The following SLC4A7 variants were observed in gnomAD, a reference collection of about 807,000 sequenced individuals.
SLC4A7 encodes solute carrier family 4 member 7, also known as sodium bicarbonate cotransporter 3.
A neutral mutation model predicts 137.6 loss-of-function variants in SLC4A7; 51 were observed. The ratio of observed to expected loss-of-function variants is 0.37; its 90% CI spans 0.30 to 0.47. The LOEUF is 0.47. SLC4A7 is among the 20% of genes least tolerant of loss of function. SLC4A7 has a pLI of 1.00. For missense variants in SLC4A7, 1,247 were observed against 1,525.4 expected, an observed-to-expected ratio of 0.82 and a Z score of 3.04; for synonymous variants, 542 against 518.6, an observed-to-expected ratio of 1.05 and a Z score of -0.61.
chr3:27,393,231 G>A (rs1050373498), intron 20 of SLC4A7, among the ~76,000 whole-genome samples: 3 of 151,986 alleles, frequency 2.0e-5, no homozygotes, highest in Admixed American at 6.5e-5. Flanking sequence ...AAAAACAAAA[G>A]TTAAAAAAAA....
chr3:27,397,369 CA>C (rs2052292534), intron 18 of SLC4A7, among the ~76,000 whole-genome samples: 1 of 151,666 alleles, frequency 6.6e-6, no homozygotes. Flanking sequence ...CTGGAAGGTA[CA>C]GCAAGAACTC....
rs781094576 is a variant in SLC4A7 at position 27,448,747 on chromosome 3, G to T, written c.193C>A (p.Arg65Ser). ...TGTCCGCGATGCCTATGACGCCGAC[G>T]ACTCTCTTTACTAAACGGGACGTGA... The part of the protein sequence containing the change: ...GVHVPFSKES[R>S]RRHRHRGHKH... The change falls in exon 3 of 26, where the codon CGT (arginine) becomes AGT (serine). Residue 65 changes from arginine (R) to serine (S), a missense_variant. Arg to Ser is a moderately radical substitution (Grantham distance 110). Around this residue, in one of 6 missense-constraint regions of SLC4A7, gnomAD observed 176 missense variants for 186.4 expected, o/e 0.94. Coordinates refer to ENST00000454389, the MANE Select transcript of SLC4A7 (RefSeq NM_001321103.2). 6.2e-7 allele frequency: 1 copy of T among 1,613,014 alleles called. No homozygotes were observed. The highest frequency in any genetic ancestry group is 1.3e-5 in the African/African-American group (1 of 74,924).
intron 11 of SLC4A7, among the ~76,000 whole-genome samples, chr3:27,413,500 G>C (rs553679682): frequency 4.6e-5 from 7 of 152,248 alleles, no homozygotes; most frequent in Admixed American, 4.6e-4. Flanking sequence ...CAAACTAGTA[G>C]ACACAGACCA....
At chr3:27,443,740 A>G (rs35242522) in intron 3 of SLC4A7, among the ~76,000 whole-genome samples, 23,570 of 152,212 alleles carry the variant, frequency 0.15, 2,000 homozygotes, top group South Asian at 0.27. Context: ...AATCCTGTAC[A>G]TACCAGAACT....
rs74858305 is a variant in SLC4A7, at chr3:27,450,536, G to C, written c.143-1739C>G. Among the ~76,000 whole-genome samples the C allele has an allele frequency of 2.6e-5, 4 of 152,130 alleles. No individual in the cohort carries two copies. The East Asian group carries it at 7.7e-4, about 29-fold the overall frequency. ...AACATAAAGAAAAGTGGAAATTAAA[G>C]AGTCAAATTCCCATCACTGCACTGG... On this transcript the variant is annotated intron_variant, in intron 2 of 25. Coordinates refer to ENST00000454389, the MANE Select transcript of SLC4A7 (RefSeq NM_001321103.2).
In SLC4A7 at chr3:27,452,145, G is replaced by A. The variant is rs184319076; in HGVS notation, c.142+272C>T. 1.0e-3 allele frequency among the ~76,000 whole-genome samples: 155 copies of A among 151,976 alleles called. 2 individuals are homozygous for A. The highest frequency in any genetic ancestry group is 4.7e-3 in the Admixed American group (72 of 15,290). ...ACAAATTACTCAGCCTGCTAGAAATGAAAAAAATAAGAGTTAACTAATTTT... is the reference window on the plus strand; with the variant it reads ...ACAAATTACTCAGCCTGCTAGAAATAAAAAAAATAAGAGTTAACTAATTTT... On this transcript the variant is annotated intron_variant, in intron 2 of 25. Transcript: ENST00000454389.
intron 1 of SLC4A7, among the ~76,000 whole-genome samples, chr3:27,483,633 AAGG>A (rs1204478320): frequency 5.3e-5 from 8 of 152,186 alleles, no homozygotes; most frequent in African/African-American, 1.7e-4. Flanking sequence ...TCCTCCTTAG[AAGG>A]AGAAGAAAGA....
Position 27,411,777 on chromosome 3 carries a change from G to C in SLC4A7, c.1660-29C>G, listed in dbSNP as rs1478168691. The C allele has an allele frequency of 2.3e-6, 3 of 1,316,624 alleles. No homozygotes were observed. The African/African-American group carries it at 4.5e-5, about 20-fold the overall frequency. The allele number at this position is 1,316,624 out of a possible 1,614,324, so 81.6% of individuals were successfully genotyped here. ...AATTTCACAAAAAACATTATTTTCA[G>C]AATTCTATTTTAAGAAAACTTGAGA... On this transcript the variant is annotated intron_variant, in intron 11 of 25. Transcript: ENST00000454389.
Position 27,403,244 on chromosome 3 carries a change from A to AG in SLC4A7, c.2215dup (p.Leu739ProfsTer16). On this transcript the variant is annotated frameshift_variant, in exon 15 of 26. Coordinates refer to ENST00000454389, the MANE Select transcript of SLC4A7 (RefSeq NM_001321103.2). LOFTEE classifies it high-confidence loss of function. The stretch of plus-strand genomic sequence containing the variant: ...CTCGTAGATGAATATGATGCAAATA[A>AG]GGGCTGCAAAAGCCTCTTCTGTAAA... The AG allele has an allele frequency of 6.2e-7, 1 of 1,614,050 alleles. No individual in the cohort carries two copies. Among genetic ancestry groups the AG allele is most frequent in the Non-Finnish European group, 8.5e-7 (1 of 1,179,952 alleles).
Position 27,379,362 on chromosome 3 carries a change from GAACA to G in SLC4A7, c.3591-10_3591-7del, listed in dbSNP as rs2050193669. ...TAACAATTGAGGGATCAACACTGAA[GAACA>G]AATACACTTTTTGGTTAGTATTCAG... On this transcript the variant is annotated splice_region_variant and splice_polypyrimidine_tract_variant and intron_variant, in intron 24 of 25. Coordinates refer to ENST00000454389, the MANE Select transcript of SLC4A7 (RefSeq NM_001321103.2). 9.6e-6 allele frequency: 14 copies of G among 1,457,718 alleles called. No individual in the cohort carries two copies. The highest frequency in any genetic ancestry group is 2.0e-5 in the Admixed American group (1 of 50,836). 90.3% of individuals were successfully genotyped at this position (1,457,718 alleles called of 1,614,324 possible). A position where few individuals can be genotyped will look rare whatever the true frequency, so the allele number is the denominator to read the frequency against.
intron 8 of SLC4A7, 192 bp downstream of exon 8, chr3:27,423,843 TAC>T: frequency 2.0e-6 from 1 of 503,430 alleles, no homozygotes. Context: ...GTTATTCAAG[TAC>T]TCACAGGTTA....
At chr3:27,468,993 G>C (rs2059125392) in intron 1 of SLC4A7, among the ~76,000 whole-genome samples, 1 of 151,968 alleles carries the variant, frequency 6.6e-6, no homozygotes, top group African/African-American at 2.4e-5. Context: ...TGTAATCCCA[G>C]CTACTTGGGA....
chr3:27,420,886 C>CT, intron 9 of SLC4A7, 99 bp from the exon 10 acceptor site: 1 of 763,464 alleles, frequency 1.3e-6, no homozygotes, highest in Non-Finnish European at 2.1e-6. Context: ...AACAAAGAAA[C>CT]AACACTCAGA....
intron 8 of SLC4A7, among the ~76,000 whole-genome samples, chr3:27,422,080 T>G (rs937542956): frequency 6.6e-6 from 1 of 152,204 alleles, no homozygotes. Flanking sequence ...AGGACAAATA[T>G]GTAGTTCACA....
intron 2 of SLC4A7, 134 bp from the exon 3 acceptor site, chr3:27,448,931 C>A (rs1476128411): frequency 3.7e-6 from 2 of 533,800 alleles, no homozygotes; most frequent in Non-Finnish European, 6.2e-6. Flanking sequence ...CCAGTTACTT[C>A]TCTTATTTTA....
In SLC4A7 at chr3:27,375,954, A is replaced by G. The variant is rs1230474709; in HGVS notation, c.*810T>C. The stretch of plus-strand genomic sequence containing the variant: ...GACAAAGAGAGACAAGGCAGAGAAC[A>G]GAGTGGGAATCATTGGCTTTAAAAG... On this transcript the variant is annotated 3_prime_UTR_variant, in exon 26 of 26. Coordinates refer to ENST00000454389, the MANE Select transcript of SLC4A7 (RefSeq NM_001321103.2). 3 of 152,064 alleles carry G rather than the reference A, an allele frequency of 2.0e-5. No individual in the cohort carries two copies. Among genetic ancestry groups the G allele is most frequent in the African/African-American group, 7.2e-5 (3 of 41,442 alleles). The allele number at this position is 152,064 out of a possible 1,614,324, so 9.4% of individuals were successfully genotyped here.
chr3:27,429,994 T>C (rs891156604), intron 7 of SLC4A7, among the ~76,000 whole-genome samples: 3 of 152,206 alleles, frequency 2.0e-5, no homozygotes, highest in African/African-American at 4.8e-5. Flanking sequence ...GGCAGGAGGA[T>C]TGCTTGAGGC....
At chr3:27,388,965 T>A (rs1336411470) in intron 22 of SLC4A7, among the ~76,000 whole-genome samples, 1 of 152,174 alleles carries the variant, frequency 6.6e-6, no homozygotes, top group Non-Finnish European at 1.5e-5. Context: ...ATGCAAGTGT[T>A]ATTTTCATCA....
At chr3:27,404,161 A>T (rs2053088413) in intron 14 of SLC4A7, among the ~76,000 whole-genome samples, 1 of 152,240 alleles carries the variant, frequency 6.6e-6, no homozygotes, top group Non-Finnish European at 1.5e-5. Flanking sequence ...ACTTGAGGTC[A>T]GTTCGAGACC....
Sources: gnomAD v4.1 joint callset for allele counts (sites outside exome capture counted in the v4.1 genomes callset) on GRCh38, gnomAD v4.1.1 for gene constraint, gnomAD v4.1.1 regional missense constraint, MANE v1.5 for transcripts, NCBI Gene and HGNC (gene_info 2026-07-23, HGNC 2026-07-21) for gene names.